The following TRAPPC9 variants were observed in gnomAD, a reference collection of about 807,000 sequenced individuals.
TRAPPC9 encodes the protein IKK2 binding protein.
TRAPPC9 carries 83 observed loss-of-function variants against 124.0 expected under a neutral mutation model. The observed-to-expected ratio is 0.67, with a 90% CI of 0.56 to 0.80. TRAPPC9 has a LOEUF of 0.80. Ranked by LOEUF, TRAPPC9 falls within the 30% of genes least tolerant of loss-of-function variation. The pLI, the probability that TRAPPC9 is intolerant of heterozygous loss-of-function variation, is 0.00. For synonymous variants in TRAPPC9, 638 were observed against 617.5 expected (o/e 1.03, Z -0.49); for missense variants, 1,302 against 1,508.3 (o/e 0.86, Z 2.27).
At chr8:139,824,093 G>A (rs1426105298) in intron 21 of TRAPPC9, among the ~76,000 whole-genome samples, 3 of 152,222 alleles carry the variant, frequency 2.0e-5, no homozygotes, top group South Asian at 2.1e-4. Flanking sequence ...AAACTTATGG[G>A]AGGGAGGTGA....
chr8:139,887,854 T>G (rs757885942), intron 20 of TRAPPC9, among the ~76,000 whole-genome samples: 2 of 152,192 alleles, frequency 1.3e-5, no homozygotes, highest in African/African-American at 4.8e-5. Context: ...TCAATATATA[T>G]TGCCTGATGA....
chr8:140,122,042 T>C (rs773327370), intron 17 of TRAPPC9, among the ~76,000 whole-genome samples: 27 of 151,760 alleles, frequency 1.8e-4, no homozygotes, highest in Non-Finnish European at 3.5e-4. Context: ...TCTCTCTCTC[T>C]CTCTCTCTCC....
chr8:140,300,501 T>A lies in TRAPPC9; in HGVS notation c.1736A>T (p.His579Leu), dbSNP rs757718184. 1 of 1,614,220 alleles carries A rather than the reference T, an allele frequency of 6.2e-7. No homozygotes were observed. The highest frequency in any genetic ancestry group is 1.1e-5 in the South Asian group (1 of 91,088). The change falls in exon 11 of 23, where the codon CAC becomes CTC. Residue 579 changes from histidine to leucine, a missense_variant. Around this residue, in one of 3 missense-constraint regions of TRAPPC9, gnomAD observed 657 missense variants for 811.2 expected, o/e 0.81. Coordinates refer to ENST00000438773, the MANE Select transcript of TRAPPC9 (RefSeq NM_001160372.4). Reference sequence around the variant, plus strand: ...CTTGTTCCGCTCTTCTCCACGGTTGTGTGCGATAATTGGTGAATAGATGAA... The same window carrying A: ...CTTGTTCCGCTCTTCTCCACGGTTGAGTGCGATAATTGGTGAATAGATGAA... ...SPFIYSPIIA[H>L]NRGEERNKKI...
In TRAPPC9 at chr8:140,435,152, G is replaced by A. The variant is rs2070768407; in HGVS notation, c.819C>T (p.Gly273=). ...GGKSGARRFQ[G]STLPAEAANR... ...TGGCTGCTTCAGCAGGAAGGGTGCTGCCCTGGAACCTCCGAGCTCCACTCT... is the reference window on the plus strand; with the variant it reads ...TGGCTGCTTCAGCAGGAAGGGTGCTACCCTGGAACCTCCGAGCTCCACTCT... The change falls in exon 4 of 23, where the codon GGC becomes GGT. Residue 273 remains glycine, a synonymous_variant. Transcript: ENST00000438773. 6.2e-7 allele frequency: 1 copy of A among 1,614,192 alleles called. No individual in the cohort carries two copies. Among genetic ancestry groups the A allele is most frequent in the Non-Finnish European group, 8.5e-7 (1 of 1,180,036 alleles).
chr8:140,323,119 C>T (rs10097160), intron 9 of TRAPPC9, among the ~76,000 whole-genome samples: 82,541 of 151,828 alleles, frequency 0.54, 22,526 homozygotes, highest in East Asian at 0.66. Flanking sequence ...AGTGGTCTAA[C>T]GAGTCATGGC....
intron 19 of TRAPPC9, among the ~76,000 whole-genome samples, chr8:139,956,074 G>A (rs958743835): frequency 1.3e-5 from 2 of 152,182 alleles, no homozygotes; most frequent in Non-Finnish European, 2.9e-5. Flanking sequence ...AACCAGCTCC[G>A]ATGCTCCTCG....
At position 140,426,613 on chromosome 8, in the gene TRAPPC9, A is replaced by G; in HGVS notation, c.886+2T>C. ...AAGAAACTAAACACATAGATCATGT[A>G]CCTGGATCAATGAGAACTTCCTGTG... is the stretch of plus-strand genomic sequence containing the variant. On this transcript the variant is annotated splice_donor_variant, in intron 5 of 22. Transcript: ENST00000438773. LOFTEE classifies it high-confidence loss of function. The G allele has an allele frequency of 6.2e-7, 1 of 1,613,880 alleles. No individual in the cohort carries two copies. Among genetic ancestry groups the G allele is most frequent in the Non-Finnish European group, 8.5e-7 (1 of 1,179,792 alleles).
chr8:139,831,155 G>A (rs1825967288), intron 21 of TRAPPC9, among the ~76,000 whole-genome samples: 1 of 152,192 alleles, frequency 6.6e-6, no homozygotes, highest in South Asian at 2.1e-4. Flanking sequence ...GGGCACGCAG[G>A]CTCCACAAGT....
intron 11 of TRAPPC9, among the ~76,000 whole-genome samples, chr8:140,292,940 G>A (rs1394117581): frequency 7.1e-6 from 1 of 140,956 alleles, no homozygotes; most frequent in Non-Finnish European, 1.5e-5. Context: ...CCTACAAAAT[G>A]GGAGAAAATT....
chr8:140,450,176 C>T (rs1363091398), intron 2 of TRAPPC9, among the ~76,000 whole-genome samples: 3 of 152,056 alleles, frequency 2.0e-5, no homozygotes, highest in African/African-American at 7.2e-5. Context: ...GCCTGGCCAA[C>T]GTGGCAAGAT....
intron 10 of TRAPPC9, among the ~76,000 whole-genome samples, chr8:140,305,706 A>T (rs2066111380): frequency 6.6e-6 from 1 of 152,250 alleles, no homozygotes; most frequent in African/African-American, 2.4e-5. Flanking sequence ...CAAAAGTAAA[A>T]ACTGACAGGG....
Position 140,299,046 on chromosome 8 carries a change from C to T in TRAPPC9, c.1768+1423G>A, listed in dbSNP as rs2065890882. Among the ~76,000 whole-genome samples, 6 of 152,146 alleles carry T rather than the reference C, an allele frequency of 3.9e-5. No homozygotes were observed. The South Asian group carries it at 1.2e-3, about 32-fold the overall frequency. On this transcript the variant is annotated intron_variant, in intron 11 of 22. Transcript: ENST00000438773. ...TAGAGATGGTGGGAGGAGTGGCCTG[C>T]AAGGCGCTGGGATCAGAGAACACCC...
intron 21 of TRAPPC9, among the ~76,000 whole-genome samples, chr8:139,831,575 C>G (rs1162750562): frequency 6.6e-6 from 1 of 152,180 alleles, no homozygotes; most frequent in Non-Finnish European, 1.5e-5. Flanking sequence ...GACCTGGACT[C>G]CTACCCAAGC....
chr8:139,808,978 G>C (rs1035282017), intron 21 of TRAPPC9, among the ~76,000 whole-genome samples: 18 of 152,180 alleles, frequency 1.2e-4, no homozygotes, highest in African/African-American at 4.3e-4. Flanking sequence ...AATGCTCTTT[G>C]CCTAGGAGTG....
At chr8:140,377,207 G>T (rs1436439153) in intron 7 of TRAPPC9, among the ~76,000 whole-genome samples, 2 of 152,196 alleles carry the variant, frequency 1.3e-5, no homozygotes, top group Non-Finnish European at 1.5e-5. Flanking sequence ...GTGAGCAAGC[G>T]AGTTCATGTG....
At chr8:139,784,320 T>A (rs1822029909) in intron 21 of TRAPPC9, among the ~76,000 whole-genome samples, 1 of 152,128 alleles carries the variant, frequency 6.6e-6, no homozygotes, top group Non-Finnish European at 1.5e-5. Context: ...ACGCCTATAA[T>A]CCCAGAACTT....
chr8:140,395,191 C>T (rs2069053534), intron 7 of TRAPPC9, among the ~76,000 whole-genome samples: 1 of 152,258 alleles, frequency 6.6e-6, no homozygotes, highest in South Asian at 2.1e-4. Flanking sequence ...TGCTGTTTCC[C>T]TCATACTACG....
At chr8:139,915,109 C>A (rs753463992) in intron 19 of TRAPPC9, among the ~76,000 whole-genome samples, 1 of 152,134 alleles carries the variant, frequency 6.6e-6, no homozygotes, top group African/African-American at 2.4e-5. Context: ...TCGTCTGCAG[C>A]GGGTGTTGGC....
At chr8:140,290,485 C>T (rs1442256339) in intron 12 of TRAPPC9, among the ~76,000 whole-genome samples, 1 of 152,172 alleles carries the variant, frequency 6.6e-6, no homozygotes, top group African/African-American at 2.4e-5. Context: ...AGATTACAAA[C>T]TGAATTTTTC....
Sources: allele counts gnomAD v4.1 joint callset (sites outside exome capture counted in the v4.1 genomes callset), GRCh38; gene constraint gnomAD v4.1.1; regional missense constraint gnomAD v4.1.1; transcripts MANE v1.5; gene names NCBI Gene and HGNC (gene_info 2026-07-23, HGNC 2026-07-21).